Variants in SPTBN4 observed in about 807,000 individuals in gnomAD.
The protein encoded by SPTBN4 is spectrin beta, non-erythrocytic 4, also known as spectrin beta chain, non-erythrocytic 4.
In SPTBN4, 96 loss-of-function variants were observed where a neutral mutation model predicts 277.8. The ratio of observed to expected loss-of-function variants is 0.35; its 90% confidence interval spans 0.29 to 0.41. The LOEUF (loss-of-function observed/expected upper bound fraction) is 0.41, where lower values mean the gene tolerates loss of function less well. Among genes scored for constraint, SPTBN4 ranks in the 10% least tolerant of loss-of-function variants. SPTBN4 has a pLI of 1.00. For synonymous variants in SPTBN4, 1,481 were observed against 1,580.3 expected (o/e 0.94, Z 1.49); for missense variants, 3,006 against 3,595.7 (o/e 0.84, Z 4.19).
At chr19:40,467,960 A>G (rs923778664) in intron 1 of SPTBN4, among the ~76,000 whole-genome samples, 4 of 152,222 alleles carry the variant, frequency 2.6e-5, no homozygotes, top group Non-Finnish European at 5.9e-5. Flanking sequence ...TGTGAGGAAA[A>G]GATGAAGAAT....
intron 5 of SPTBN4, among the ~76,000 whole-genome samples, chr19:40,494,302 C>G (rs759766568): frequency 7.3e-5 from 11 of 150,894 alleles, no homozygotes; most frequent in Non-Finnish European, 1.3e-4. Context: ...CTTCTCTCCT[C>G]CCTCCTTCCC....
rs1327388959 is a variant in SPTBN4, at chr19:40,514,242, G to A, written c.2765+688G>A. Among the ~76,000 whole-genome samples, 7 of 152,210 alleles carry A rather than the reference G, an allele frequency of 4.6e-5. No individual in the cohort carries two copies. The East Asian group carries it at 1.3e-3, about 29-fold the overall frequency. Reference sequence around the variant, plus strand: ...CTTTCTAGGTCTTGTGCTGGGCACTGCTGGAAACACAGGGCTGCTCCTTGC... The same window carrying A: ...CTTTCTAGGTCTTGTGCTGGGCACTACTGGAAACACAGGGCTGCTCCTTGC... On this transcript the variant is annotated intron_variant, in intron 14 of 35. Transcript: ENST00000598249.
chr19:40,527,607 G>C (rs1056400981), intron 17 of SPTBN4, among the ~76,000 whole-genome samples: 3 of 152,242 alleles, frequency 2.0e-5, no homozygotes, highest in Admixed American at 2.0e-4. Context: ...TTGGGGGAAG[G>C]AGCATTCCCA....
In SPTBN4 at chr19:40,512,692, C is replaced by T. The variant is rs1283936224; in HGVS notation, c.1903C>T (p.Arg635Trp). Residue 635 changes from arginine to tryptophan, a missense_variant, in exon 14 of 36, where the codon CGG (arginine) becomes TGG (tryptophan). Coordinates refer to ENST00000598249, the MANE Select transcript of SPTBN4 (RefSeq NM_020971.3). ...GGCGGAGCTGCAGGAGCAGGCAGCG[C>T]GGCGACGCGCGGAGCTGGAGGCTTC... Reference protein sequence around the residue: ...CLAELQEQAARRRAELEASRS... With the variant: ...CLAELQEQAAWRRAELEASRS... The T allele has an allele frequency of 6.5e-7, 1 of 1,527,650 alleles. No homozygotes were observed. The highest frequency in any genetic ancestry group is 8.7e-7 in the Non-Finnish European group (1 of 1,144,138). The allele number at this position is 1,527,650 out of a possible 1,614,324, so 94.6% of individuals were successfully genotyped here.
chr19:40,520,840 G>T (rs1202458233), intron 16 of SPTBN4, among the ~76,000 whole-genome samples: 1 of 152,112 alleles, frequency 6.6e-6, no homozygotes, highest in African/African-American at 2.4e-5. Flanking sequence ...AGTGTTTGGG[G>T]ATCATGTTAG....
rs922588596 is a variant in SPTBN4, at chr19:40,497,309, G to C, written c.669-180G>C. ...CCCGGGAACGCACAGAGACATGCCC[G>C]CGTCCATCACACTCACATCACAGCT... On this transcript the variant is annotated intron_variant, in intron 6 of 35. Coordinates refer to ENST00000598249, the MANE Select transcript of SPTBN4 (RefSeq NM_020971.3). 5 of 594,560 alleles carry C rather than the reference G, an allele frequency of 8.4e-6. No individual in the cohort carries two copies. The Admixed American group carries it at 1.4e-4, about 17-fold the overall frequency. 36.8% of individuals were successfully genotyped at this position (594,560 alleles called of 1,614,324 possible).
At chr19:40,475,988 G>T (rs1434113631) in intron 2 of SPTBN4, among the ~76,000 whole-genome samples, 1 of 152,060 alleles carries the variant, frequency 6.6e-6, no homozygotes, top group Non-Finnish European at 1.5e-5. Flanking sequence ...AGAGGTTGCA[G>T]TGAGCCGAGA....
In SPTBN4 at chr19:40,502,630, T is replaced by G; in HGVS notation, c.1203+123T>G. On this transcript the variant is annotated intron_variant, in intron 10 of 35. Transcript: ENST00000598249. The surrounding 1 kb of genome is among the most constrained non-coding windows in gnomAD (Gnocchi z 4.9). Reference sequence around the variant, plus strand: ...ATTAGATATTCATTCTGACAGTTTTTCAGTAGTAAAGTGTCATAAGGAAGC... The same window carrying G: ...ATTAGATATTCATTCTGACAGTTTTGCAGTAGTAAAGTGTCATAAGGAAGC... The G allele has an allele frequency of 6.9e-7, 1 of 1,444,208 alleles. No individual in the cohort carries two copies. The highest frequency in any genetic ancestry group is 1.3e-5 in the South Asian group (1 of 74,344). The allele number at this position is 1,444,208 out of a possible 1,614,324, so 89.5% of individuals were successfully genotyped here. A position where few individuals can be genotyped will look rare whatever the true frequency, so the allele number is the denominator to read the frequency against.
intron 27 of SPTBN4, among the ~76,000 whole-genome samples, chr19:40,562,207 A>C (rs932414648): frequency 7.2e-5 from 11 of 152,092 alleles, no homozygotes; most frequent in African/African-American, 2.7e-4. Flanking sequence ...GAGAGTTTAG[A>C]GCAGAGTGGA....
At position 40,549,577 on chromosome 19, in the gene SPTBN4, C is replaced by G. The variant is rs890597894; in HGVS notation, c.4584+164C>G. On this transcript the variant is annotated intron_variant, in intron 21 of 35. Transcript: ENST00000598249. The stretch of plus-strand genomic sequence containing the variant: ...ATTCATTCATTCACACTCATTTACT[C>G]ACTTTGAATCATTCGTTGATTTATT... Among the ~76,000 whole-genome samples the G allele has an allele frequency of 4.6e-5, 7 of 152,348 alleles. No homozygotes were observed. In the East Asian group the frequency reaches 1.3e-3, roughly 29 times the overall value.
rs1355369076 is a variant in SPTBN4, at chr19:40,566,270, G to A, written c.6247G>A (p.Val2083Met). The A allele has an allele frequency of 1.3e-6, 2 of 1,584,170 alleles. No homozygotes were observed. Among genetic ancestry groups the A allele is most frequent in the Non-Finnish European group, 1.7e-6 (2 of 1,165,240 alleles). ...SRELGSSVDE[V>M]EQLIRRHEAF... ...GGAGCTGGGCAGCAGCGTGGATGAG[G>A]TGGAGCAGCTTATCCGGCGACATGA... The change falls in exon 30 of 36, where the codon GTG becomes ATG. Residue 2083 changes from valine to methionine, a missense_variant. Val to Met is a conservative substitution (Grantham distance 21). Coordinates refer to ENST00000598249, the MANE Select transcript of SPTBN4 (RefSeq NM_020971.3).
chr19:40,533,095 T>C (rs939292277), intron 19 of SPTBN4, among the ~76,000 whole-genome samples: 2 of 152,002 alleles, frequency 1.3e-5, no homozygotes, highest in African/African-American at 4.8e-5. Context: ...AGATGGAAGG[T>C]TGGGGAGATG....
Position 40,532,689 on chromosome 19 carries a change from A to G in SPTBN4, c.4013A>G (p.Lys1338Arg), listed in dbSNP as rs2080690992. The stretch of plus-strand genomic sequence containing the variant: ...GATGGCACGCGGGAGGACAACCACA[A>G]GCTGCATAAGAGATGGCTCCGGCAC... ...ARDGTREDNH[K>R]LHKRWLRHQA... The change falls in exon 19 of 36, where the codon AAG (lysine) becomes AGG (arginine). Residue 1338 changes from lysine to arginine, a missense_variant. By Grantham distance (26) the Lys-to-Arg change is conservative. Around this residue, in one of 5 missense-constraint regions of SPTBN4, gnomAD observed 1,759 missense variants for 2,061.5 expected, o/e 0.85. Coordinates refer to ENST00000598249, the MANE Select transcript of SPTBN4 (RefSeq NM_020971.3). 6.2e-7 allele frequency: 1 copy of G among 1,613,484 alleles called. No individual in the cohort carries two copies. The highest frequency in any genetic ancestry group is 8.5e-7 in the Non-Finnish European group (1 of 1,179,692).
Position 40,554,472 on chromosome 19 carries a change from G to A in SPTBN4, c.4954-44G>A, listed in dbSNP as rs1568372247. 1 of 1,492,668 alleles carries A rather than the reference G, an allele frequency of 6.7e-7. No individual in the cohort carries two copies. The allele number at this position is 1,492,668 out of a possible 1,614,324, so 92.5% of individuals were successfully genotyped here. A position where few individuals can be genotyped will look rare whatever the true frequency, so the allele number is the denominator to read the frequency against. ...GGAGGGCCTGGGGGCGCTGGAGCCG[G>A]GGGCCGCCGCTGCCGCCTCATCGTG... On this transcript the variant is annotated intron_variant, in intron 23 of 35. Coordinates refer to ENST00000598249, the MANE Select transcript of SPTBN4 (RefSeq NM_020971.3). This position sits in a 1 kb window ranked among gnomAD's most constrained non-coding sequence, Gnocchi z 5.7.
intron 20 of SPTBN4, chr19:40,534,936 C>T (rs2080718325): frequency 6.4e-6 from 1 of 155,302 alleles, no homozygotes; most frequent in African/African-American, 2.4e-5. Flanking sequence ...CAGCTCCATG[C>T]TTGGTACACA....
chr19:40,505,126 TGCG>T, intron 12 of SPTBN4, among the ~76,000 whole-genome samples: 1 of 149,950 alleles, frequency 6.7e-6, no homozygotes. Context: ...GGCTCTCACC[TGCG>T]GTACCAGCAC....
At chr19:40,549,059 G>A in intron 20 of SPTBN4, 130 bp from the exon 21 acceptor site, 2 of 693,756 alleles carry the variant, frequency 2.9e-6, no homozygotes, top group Non-Finnish European at 4.7e-6. Context: ...TCCTGGAGGG[G>A]ACTGAACAAG....
intron 20 of SPTBN4, among the ~76,000 whole-genome samples, chr19:40,547,216 T>C (rs1007880541): frequency 1.5e-5 from 2 of 133,376 alleles, no homozygotes; most frequent in African/African-American, 2.8e-5. Context: ...TGTGTGATGT[T>C]CCCTGCCCTG....
Position 40,519,676 on chromosome 19 carries a change from A to G in SPTBN4, c.3179A>G (p.His1060Arg). The G allele has an allele frequency of 7.2e-7, 1 of 1,392,536 alleles. No individual in the cohort carries two copies. Among genetic ancestry groups the G allele is most frequent in the Non-Finnish European group, 9.2e-7 (1 of 1,084,446 alleles). The allele number at this position is 1,392,536 out of a possible 1,614,324, so 86.3% of individuals were successfully genotyped here. Reference protein sequence around the residue: ...ERFPAQAARLHQGAEELGAEW... With the variant: ...ERFPAQAARLRQGAEELGAEW... ...TTCCCGGCGCAGGCGGCGCGGCTGC[A>G]CCAGGGCGCGGAGGAGCTGGGCGCC... Residue 1060 changes from histidine to arginine, a missense_variant, in exon 16 of 36, where the codon CAC becomes CGC. By Grantham distance (29) the His-to-Arg change is conservative. This residue lies in a region of SPTBN4 where 1,759 missense variants were observed against 2,061.5 expected (regional missense o/e 0.85). Coordinates refer to ENST00000598249, the MANE Select transcript of SPTBN4 (RefSeq NM_020971.3). The surrounding 1 kb of genome is among the most constrained non-coding windows in gnomAD (Gnocchi z 5.7).
Sources: gnomAD v4.1 joint callset for allele counts (sites outside exome capture counted in the v4.1 genomes callset) on GRCh38, gnomAD v4.1.1 for gene constraint, gnomAD v4.1.1 regional missense constraint, Gnocchi (gnomAD v3.1) non-coding constraint, MANE v1.5 for transcripts, NCBI Gene and HGNC (gene_info 2026-07-23, HGNC 2026-07-21) for gene names.